Variants in NRXN3 observed in about 807,000 individuals in gnomAD.
The protein encoded by NRXN3 is neurexin 3.
Under a neutral mutation model 137.6 loss-of-function variants are expected in NRXN3, and 32 were observed. The observed-to-expected ratio is 0.23, with a 90% CI of 0.18 to 0.31. The LOEUF is 0.31. Among genes scored for constraint, NRXN3 ranks in the 10% least tolerant of loss-of-function variants. The pLI, the probability that NRXN3 is intolerant of heterozygous loss-of-function variation, is 1.00. For synonymous variants in NRXN3, 798 were observed against 784.5 expected (o/e 1.02, Z -0.29); for missense variants, 1,574 against 2,062.5 (o/e 0.76, Z 4.59).
At chr14:78,298,441 C>T (rs2076567484) in intron 4 of NRXN3, among the ~76,000 whole-genome samples, 1 of 152,232 alleles carries the variant, frequency 6.6e-6, no homozygotes, top group South Asian at 2.1e-4. Context: ...AATACTAACT[C>T]ATTATACACC....
At chr14:79,378,914 C>T (rs1666996515) in intron 15 of NRXN3, among the ~76,000 whole-genome samples, 1 of 150,842 alleles carries the variant, frequency 6.6e-6, no homozygotes, top group Admixed American at 6.6e-5. Context: ...AAGCTTAAGC[C>T]ACTATTTAGG....
At chr14:78,604,316 T>G (rs1315508201) in intron 4 of NRXN3, among the ~76,000 whole-genome samples, 9 of 145,064 alleles carry the variant, frequency 6.2e-5, no homozygotes, top group Non-Finnish European at 1.1e-4. Flanking sequence ...TTTTTTTTTT[T>G]GATTTACAAG....
intron 15 of NRXN3, among the ~76,000 whole-genome samples, chr14:78,990,357 A>G (rs1433722428): frequency 2.2e-5 from 3 of 134,396 alleles, no homozygotes; most frequent in South Asian, 2.3e-4. Flanking sequence ...TGAAGTTCAC[A>G]TCTATTTTTT....
At chr14:79,029,299 A>G (rs765042814) in intron 15 of NRXN3, among the ~76,000 whole-genome samples, 12 of 152,216 alleles carry the variant, frequency 7.9e-5, no homozygotes, top group South Asian at 2.1e-4. Flanking sequence ...CTATTTGCTT[A>G]GTTTTCAATA....
At chr14:79,665,487 C>CTGA (rs1415712150) in intron 17 of NRXN3, among the ~76,000 whole-genome samples, 1 of 152,126 alleles carries the variant, frequency 6.6e-6, no homozygotes, top group Non-Finnish European at 1.5e-5. Flanking sequence ...TGCTTAATCC[C>CTGA]TGATGGATGG....
chr14:78,328,680 A>G lies in NRXN3; in HGVS notation c.757+30820A>G, dbSNP rs140819526. 7.5e-3 allele frequency among the ~76,000 whole-genome samples: 1,147 copies of G among 152,334 alleles called. 5 individuals carry two copies. Among genetic ancestry groups the G allele is most frequent in the Non-Finnish European group, 0.013 (852 of 68,026 alleles). ...TCCACACCAGTCCTTCTTGATATCA[A>G]GAATTTTCCAGATATGTAATTTTAA... On this transcript the variant is annotated intron_variant, in intron 4 of 20. Coordinates refer to ENST00000335750, the MANE Select transcript of NRXN3 (RefSeq NM_001330195.2).
intron 15 of NRXN3, among the ~76,000 whole-genome samples, chr14:78,992,746 C>A (rs961468909): frequency 6.6e-6 from 1 of 152,184 alleles, no homozygotes; most frequent in East Asian, 1.9e-4. Flanking sequence ...ACATTGTTGG[C>A]TTTTACCATG....
Position 78,917,218 on chromosome 14 carries a change from G to T in NRXN3, c.2276-40024G>T, listed in dbSNP as rs548616544. Among the ~76,000 whole-genome samples, 3 of 152,214 alleles carry T rather than the reference G, an allele frequency of 2.0e-5. No homozygotes were observed. The South Asian group carries it at 6.2e-4, about 32-fold the overall frequency. ...TTTCTAAGAAAAGAGGGATAAAAAG[G>T]TATACTGTTTCCAGGTATAGTATGA... On this transcript the variant is annotated intron_variant, in intron 10 of 20. Transcript: ENST00000335750.
At chr14:78,277,592 C>T (rs1159503871) in intron 2 of NRXN3, among the ~76,000 whole-genome samples, 1 of 152,172 alleles carries the variant, frequency 6.6e-6, no homozygotes, top group Non-Finnish European at 1.5e-5. Flanking sequence ...TCCAGATCCA[C>T]CATTCAGTGA....
intron 4 of NRXN3, among the ~76,000 whole-genome samples, chr14:78,616,799 A>G (rs1451901496): frequency 6.6e-6 from 1 of 152,370 alleles, no homozygotes; most frequent in South Asian, 2.1e-4. Context: ...ACACAACTGG[A>G]GTTCTTAGAA....
intron 16 of NRXN3, among the ~76,000 whole-genome samples, chr14:79,581,115 C>T (rs181609525): frequency 3.7e-4 from 56 of 152,090 alleles, no homozygotes; most frequent in Middle Eastern, 3.4e-3. Flanking sequence ...GCACACTGGA[C>T]GGTGCAGAAA....
intron 16 of NRXN3, among the ~76,000 whole-genome samples, chr14:79,501,133 C>A (rs908724828): frequency 6.6e-6 from 1 of 152,022 alleles, no homozygotes; most frequent in African/African-American, 2.4e-5. Context: ...GATTATCAGG[C>A]GAAGTTTGGG....
intron 19 of NRXN3, among the ~76,000 whole-genome samples, chr14:79,710,848 A>AGAAATAAAGAAT (rs1555651843): frequency 6.6e-6 from 1 of 152,168 alleles, no homozygotes; most frequent in Non-Finnish European, 1.5e-5. Context: ...AAGACTTTGG[A>AGAAATAAAGAAT]GAAATAAAGA....
chr14:79,779,276 G>A (rs930007808), intron 19 of NRXN3, among the ~76,000 whole-genome samples: 4 of 151,906 alleles, frequency 2.6e-5, no homozygotes, highest in Non-Finnish European at 5.9e-5. Flanking sequence ...ACCCATGCCC[G>A]GCTTTTTTGT....
intron 4 of NRXN3, among the ~76,000 whole-genome samples, chr14:78,437,134 C>G (rs1214651441): frequency 6.6e-6 from 1 of 152,074 alleles, no homozygotes. Context: ...CAGCACAGTG[C>G]CTGACATGGG....
rs369815552 is a variant in NRXN3, at chr14:78,541,658, T to C, written c.758-103462T>C. Among the ~76,000 whole-genome samples the C allele has an allele frequency of 4.6e-5, 7 of 152,334 alleles. No homozygotes were observed. In the South Asian group the frequency reaches 1.2e-3, roughly 27 times the overall value. On this transcript the variant is annotated intron_variant, in intron 4 of 20. Transcript: ENST00000335750. ...TTCTCCATCCAGCTTTGTTCCGTTG[T>C]TGGTGAGGAGCTGTGATCCTTTGGA...
rs143064157 is a variant in NRXN3 at position 78,641,243 on chromosome 14, AG to A, written c.758-3876del. ...GGTGATAAGAGAGTGGTTGAGTCTC[AG>A]CTACTGGAAGGAAATTAAGATAGAT... On this transcript the variant is annotated intron_variant, in intron 4 of 20. Coordinates refer to ENST00000335750, the MANE Select transcript of NRXN3 (RefSeq NM_001330195.2). 8.2e-3 allele frequency among the ~76,000 whole-genome samples: 1,246 copies of A among 152,340 alleles called. 83 individuals carry two copies. The East Asian group carries it at 0.18, about 22-fold the overall frequency.
chr14:79,660,131 A>G (rs549744442), intron 16 of NRXN3, among the ~76,000 whole-genome samples: 284 of 152,246 alleles, frequency 1.9e-3, no homozygotes, highest in African/African-American at 6.6e-3. Context: ...GTTCCCTCAC[A>G]TCTTCTCTTT....
chr14:78,499,182 G>A (rs1358298348), intron 4 of NRXN3, among the ~76,000 whole-genome samples: 1 of 151,508 alleles, frequency 6.6e-6, no homozygotes, highest in Non-Finnish European at 1.5e-5. Flanking sequence ...TTACTATTGT[G>A]AATAATGTCA....
Sources: gnomAD v4.1 joint callset for allele counts (sites outside exome capture counted in the v4.1 genomes callset) on GRCh38, gnomAD v4.1.1 for gene constraint, MANE v1.5 for transcripts, NCBI Gene and HGNC (gene_info 2026-07-23, HGNC 2026-07-21) for gene names.